Variants in CHL1 observed in about 807,000 individuals in gnomAD.
CHL1 encodes the protein cell adhesion molecule L1 like.
In CHL1, 96 loss-of-function variants were observed where a neutral mutation model predicts 141.9. The observed-to-expected ratio is 0.68, with a 90% CI of 0.57 to 0.80. The LOEUF is 0.80. Ranked by LOEUF, CHL1 falls within the 30% of genes least tolerant of loss-of-function variation. The probability of loss-of-function intolerance (pLI) is 0.00; values close to 1 mark genes in which losing one functional copy is unlikely to be tolerated. For missense variants in CHL1, 1,820 were observed against 1,457.2 expected, an observed-to-expected ratio of 1.25 and a Z score of -4.05; for synonymous variants, 613 against 502.2, an observed-to-expected ratio of 1.22 and a Z score of -2.95.
chr3:301,571 G>T (rs115769295), intron 2 of CHL1, among the ~76,000 whole-genome samples: 1 of 152,172 alleles, frequency 6.6e-6, no homozygotes. Flanking sequence ...TTGCAATTGT[G>T]TAGCTCTTTG....
At chr3:256,620 G>A (rs1277453445) in intron 2 of CHL1, among the ~76,000 whole-genome samples, 1 of 152,168 alleles carries the variant, frequency 6.6e-6, no homozygotes, top group Admixed American at 6.6e-5. Context: ...ACAACTGAAT[G>A]CCCAAAAAGA....
intron 16 of CHL1, among the ~76,000 whole-genome samples, chr3:379,013 A>G (rs1279632516): frequency 6.6e-6 from 1 of 152,156 alleles, no homozygotes; most frequent in African/African-American, 2.4e-5. Flanking sequence ...TAGTTTGCAG[A>G]CATTCCTTAA....
intron 2 of CHL1, among the ~76,000 whole-genome samples, chr3:312,938 A>G (rs983712936): frequency 5.3e-5 from 8 of 152,222 alleles, no homozygotes; most frequent in African/African-American, 1.9e-4. Flanking sequence ...ATCTATTTCA[A>G]GCATCCTGAG....
chr3:335,477 C>T (rs1460642193), intron 5 of CHL1, among the ~76,000 whole-genome samples: 3 of 152,104 alleles, frequency 2.0e-5, no homozygotes, highest in African/African-American at 7.2e-5. Flanking sequence ...CAAAGGAAAC[C>T]GGAGTTAGAG....
chr3:402,915 C>G (rs188878253), intron 27 of CHL1, among the ~76,000 whole-genome samples: 16 of 152,284 alleles, frequency 1.1e-4, no homozygotes, highest in Non-Finnish European at 4.4e-5. Flanking sequence ...CAATACTCAA[C>G]AGCTTAAAAC....
chr3:344,875 G>C (rs1702635156), intron 9 of CHL1, among the ~76,000 whole-genome samples, 166 bp downstream of exon 9: 1 of 152,154 alleles, frequency 6.6e-6, no homozygotes, highest in African/African-American at 2.4e-5. Flanking sequence ...TGTTATTCCA[G>C]GTACTTAAGA....
At chr3:215,012 C>T (rs1257980290) in intron 1 of CHL1, among the ~76,000 whole-genome samples, 2 of 151,962 alleles carry the variant, frequency 1.3e-5, no homozygotes, top group Admixed American at 6.6e-5. Context: ...ATCTTCATCA[C>T]ATCAATTGTG....
chr3:382,662 C>A lies in CHL1; in HGVS notation c.2167C>A (p.Pro723Thr). The A allele has an allele frequency of 6.2e-7, 1 of 1,613,442 alleles. No individual in the cohort carries two copies. Among genetic ancestry groups the A allele is most frequent in the South Asian group, 1.1e-5 (1 of 91,068 alleles). Reference sequence around the variant, plus strand: ...CCAGCCGTCAGACCATCATGAAACACCACCAGCAGGTATGCAGGTTCTCAC... The same window carrying A: ...CCAGCCGTCAGACCATCATGAAACAACACCAGCAGGTATGCAGGTTCTCAC... The part of the protein sequence containing the change: ...PSQPSDHHET[P>T]PAAPDRNPQN... Residue 723 changes from proline to threonine, a missense_variant, in exon 18 of 28, where the codon CCA becomes ACA. Coordinates refer to ENST00000256509, the MANE Select transcript of CHL1 (RefSeq NM_006614.4).
chr3:273,387 A>C (rs779135620), intron 2 of CHL1, among the ~76,000 whole-genome samples: 3 of 152,150 alleles, frequency 2.0e-5, no homozygotes, highest in African/African-American at 7.2e-5. Context: ...TAGTTTAGCT[A>C]TGTTTTTCCA....
chr3:275,915 A>G (rs1455649718), intron 2 of CHL1, among the ~76,000 whole-genome samples: 1 of 152,048 alleles, frequency 6.6e-6, no homozygotes, highest in Non-Finnish European at 1.5e-5. Context: ...GTGCCAAACA[A>G]TTGGCTAAGT....
Position 366,208 on chromosome 3 carries a change from C to G in CHL1, c.1751+93C>G, listed in dbSNP as rs115492148. On this transcript the variant is annotated intron_variant, in intron 15 of 27. Transcript: ENST00000256509. ...GTTCTAGGTCGGGCATGCTGACTCA[C>G]GCTTGTAATCCCAGCACTTTGGGAG... 2.8e-4 allele frequency: 338 copies of G among 1,217,032 alleles called. No homozygotes were observed. The African/African-American group carries it at 4.7e-3, about 17-fold the overall frequency. 75.4% of individuals were successfully genotyped at this position (1,217,032 alleles called of 1,614,324 possible).
intron 2 of CHL1, among the ~76,000 whole-genome samples, chr3:308,511 A>T (rs528351809): frequency 7.2e-5 from 11 of 151,956 alleles, no homozygotes; most frequent in Non-Finnish European, 1.3e-4. Context: ...TGGGAGATAT[A>T]GATAGACAGC....
chr3:248,399 T>C (rs1377742892), intron 2 of CHL1: 1 of 152,138 alleles, frequency 6.6e-6, no homozygotes, highest in Non-Finnish European at 1.5e-5. Flanking sequence ...AAGAATTACA[T>C]TTTAAAGCAT....
intron 2 of CHL1, among the ~76,000 whole-genome samples, chr3:272,560 G>GA (rs1207216285): frequency 6.6e-6 from 1 of 152,260 alleles, no homozygotes. Context: ...TAGCCTATTA[G>GA]CCATGGCATT....
intron 1 of CHL1, among the ~76,000 whole-genome samples, chr3:231,098 G>A (rs1274355746): frequency 6.6e-6 from 1 of 152,100 alleles, no homozygotes; most frequent in Non-Finnish European, 1.5e-5. Flanking sequence ...CCAGAAGGGT[G>A]AATTTTATAT....
chr3:361,827 T>C lies in CHL1; in HGVS notation c.1418+17T>C, dbSNP rs571643987. Reference sequence around the variant, plus strand: ...CGTGTCCTGGTAAGCCGGTGGCTCATGGTTTTCTTAAGAGAATGTCAATTG... The same window carrying C: ...CGTGTCCTGGTAAGCCGGTGGCTCACGGTTTTCTTAAGAGAATGTCAATTG... On this transcript the variant is annotated intron_variant, in intron 13 of 27. Transcript: ENST00000256509. 1.3e-5 allele frequency: 20 copies of C among 1,507,120 alleles called. No individual in the cohort carries two copies. In the African/African-American group the frequency reaches 2.5e-4, roughly 19 times the overall value. 93.4% of individuals were successfully genotyped at this position (1,507,120 alleles called of 1,614,324 possible).
At chr3:301,038 G>T (rs751041649) in intron 2 of CHL1, among the ~76,000 whole-genome samples, 1 of 152,124 alleles carries the variant, frequency 6.6e-6, no homozygotes, top group Non-Finnish European at 1.5e-5. Context: ...AGAATAATAA[G>T]GATTTTGATC....
intron 2 of CHL1, among the ~76,000 whole-genome samples, chr3:315,961 A>G (rs939738182): frequency 1.3e-5 from 2 of 152,074 alleles, no homozygotes; most frequent in East Asian, 3.9e-4. Context: ...CGGATGCACT[A>G]TATTTTATAG....
At chr3:400,537 C>T (rs1709038086) in intron 26 of CHL1, among the ~76,000 whole-genome samples, 1 of 148,220 alleles carries the variant, frequency 6.7e-6, no homozygotes, top group Admixed American at 6.7e-5. Flanking sequence ...TACTAGGTCT[C>T]TGCATGTAGT....
Sources: allele counts gnomAD v4.1 joint callset (sites outside exome capture counted in the v4.1 genomes callset), GRCh38; gene constraint gnomAD v4.1.1; transcripts MANE v1.5; gene names NCBI Gene and HGNC (gene_info 2026-07-23, HGNC 2026-07-21).